The following UNC5CL variants were observed in gnomAD, a reference collection of about 807,000 sequenced individuals.
The protein encoded by UNC5CL is unc-5 family C-terminal like, also known as UNC5C-like protein.
A neutral mutation model predicts 54.1 loss-of-function variants in UNC5CL; 42 were observed. That is an observed-to-expected ratio of 0.78 (90% CI 0.61 to 1.00). The LOEUF is 1.00. UNC5CL is among the 50% of genes least tolerant of loss of function. The probability of loss-of-function intolerance (pLI) is 0.00; values close to 1 mark genes in which losing one functional copy is unlikely to be tolerated. For synonymous variants in UNC5CL, 285 were observed against 285.1 expected (o/e 1.00, Z 0.00); for missense variants, 619 against 675.6 (o/e 0.92, Z 0.93).
chr6:41,035,229 C>T (rs1762510702), intron 1 of UNC5CL, 94 bp from the exon 2 acceptor site: 3 of 889,258 alleles, frequency 3.4e-6, no homozygotes, highest in African/African-American at 1.7e-5. Flanking sequence ...TGTCTTCATT[C>T]CAGCGCACAC....
chr6:41,035,307 G>A (rs144496018), intron 1 of UNC5CL, among the ~76,000 whole-genome samples, 172 bp from the exon 2 acceptor site: 8 of 152,322 alleles, frequency 5.3e-5, no homozygotes, highest in African/African-American at 9.6e-5. Flanking sequence ...CTGGCTCCCC[G>A]TGACCTAATA....
chr6:41,033,205 C>A, intron 3 of UNC5CL, 59 bp from the exon 4 acceptor site: 32 of 1,557,910 alleles, frequency 2.1e-5, no homozygotes, highest in Non-Finnish European at 2.8e-5. Context: ...CACCAACACA[C>A]TGCCACCAGC....
rs755545670 is a variant in UNC5CL, at chr6:41,031,932, G to A, written c.1051+104C>T. ...CCTTTCAGGGAAGGTCTGTGTGCAT[G>A]GCTGCATGGGGGTCTGCAGAGCTCC... On this transcript the variant is annotated intron_variant, in intron 5 of 8. Transcript: ENST00000244565. The A allele has an allele frequency of 3.3e-4, 422 of 1,296,418 alleles. 3 individuals are homozygous for A. The Middle Eastern group carries it at 4.0e-3, about 12-fold the overall frequency. 80.3% of individuals were successfully genotyped at this position (1,296,418 alleles called of 1,614,324 possible).
chr6:41,036,921 G>A lies in UNC5CL; in HGVS notation c.-61-1786C>T, dbSNP rs192754889. Reference sequence around the variant, plus strand: ...CTGAGGCCCTCCAGAACCCACCTCCGCCTCCTCCTACTTCCCCTCTTCCAG... The same window carrying A: ...CTGAGGCCCTCCAGAACCCACCTCCACCTCCTCCTACTTCCCCTCTTCCAG... On this transcript the variant is annotated intron_variant, in intron 1 of 8. Transcript: ENST00000244565. 1.7e-4 allele frequency among the ~76,000 whole-genome samples: 24 copies of A among 143,170 alleles called. No homozygotes were observed. The East Asian group carries it at 4.4e-3, about 26-fold the overall frequency. The allele number at this position is 143,170 out of a possible 152,430, so 93.9% of individuals were successfully genotyped here.
At chr6:41,037,609 C>T (rs996108805) in intron 1 of UNC5CL, among the ~76,000 whole-genome samples, 1 of 152,214 alleles carries the variant, frequency 6.6e-6, no homozygotes, top group Admixed American at 6.5e-5. Flanking sequence ...TGGGGCAGTA[C>T]CTGTTTCTCC....
intron 1 of UNC5CL, among the ~76,000 whole-genome samples, chr6:41,036,918 T>C (rs10947944): frequency 0.22 from 32,424 of 150,500 alleles, 3,582 homozygotes; most frequent in South Asian, 0.27. Flanking sequence ...AGAACCCACC[T>C]CCGCCTCCTC....
At position 41,028,331 on chromosome 6, in the gene UNC5CL, C is replaced by T. The variant is rs1274478760; in HGVS notation, c.*42G>A. 3.3e-6 allele frequency: 5 copies of T among 1,502,800 alleles called. No individual in the cohort carries two copies. The highest frequency in any genetic ancestry group is 3.6e-6 in the Non-Finnish European group (4 of 1,122,524). 93.1% of individuals were successfully genotyped at this position (1,502,800 alleles called of 1,614,324 possible). On this transcript the variant is annotated 3_prime_UTR_variant, in exon 9 of 9. Coordinates refer to ENST00000244565, the MANE Select transcript of UNC5CL (RefSeq NM_173561.3). This position sits in a 1 kb window ranked among gnomAD's most constrained non-coding sequence, Gnocchi z 4.3. ...TCCTCTTAGGCGTAGGAGAACAACC[C>T]CTCTCGCCCCTACACCTCCTCCGGC...
rs753340503 is a variant in UNC5CL at position 41,034,784 on chromosome 6, C to A, written c.291G>T (p.Met97Ile). The change falls in exon 2 of 9, where the codon ATG becomes ATT. Residue 97 changes from methionine to isoleucine, a missense_variant. Coordinates refer to ENST00000244565, the MANE Select transcript of UNC5CL (RefSeq NM_173561.3). ...GAGCCGAAAACACCAACAGTTTGTG[C>A]ATCAACTGGCGGACCATGGTCTGGC... Reference protein sequence around the residue: ...TQGQTMVRQLMHKLLVFSARE... With the variant: ...TQGQTMVRQLIHKLLVFSARE... The A allele has an allele frequency of 3.1e-6, 5 of 1,614,144 alleles. No homozygotes were observed. The highest frequency in any genetic ancestry group is 4.2e-6 in the Non-Finnish European group (5 of 1,180,046).
Position 41,037,486 on chromosome 6 carries a change from G to A in UNC5CL, c.-62+1676C>T, listed in dbSNP as rs145903162. The stretch of plus-strand genomic sequence containing the variant: ...TCACTTGCACTACCCACCTGGAACT[G>A]AGGCTTGGCCCACCTTCTTCCTTCC... On this transcript the variant is annotated intron_variant, in intron 1 of 8. Coordinates refer to ENST00000244565, the MANE Select transcript of UNC5CL (RefSeq NM_173561.3). 6.8e-3 allele frequency among the ~76,000 whole-genome samples: 1,036 copies of A among 152,294 alleles called. 7 individuals carry two copies. The highest frequency in any genetic ancestry group is 0.024 in the Middle Eastern group (7 of 294).
intron 1 of UNC5CL, among the ~76,000 whole-genome samples, chr6:41,037,172 C>T (rs559880246): frequency 1.3e-5 from 2 of 152,218 alleles, no homozygotes; most frequent in South Asian, 4.1e-4. Flanking sequence ...ACAGCCATCC[C>T]ACCATACTGA....
At chr6:41,036,002 C>A (rs1167688388) in intron 1 of UNC5CL, among the ~76,000 whole-genome samples, 2 of 152,052 alleles carry the variant, frequency 1.3e-5, no homozygotes, top group Non-Finnish European at 2.9e-5. Flanking sequence ...ATTCTGAGCT[C>A]ATTAATGTGA....
At chr6:41,032,180 CTTAAACAAGTA>C in intron 4 of UNC5CL, 43 bp from the exon 5 acceptor site, 1 of 1,541,174 alleles carries the variant, frequency 6.5e-7, no homozygotes, top group Middle Eastern at 1.7e-4. Context: ...AGAGTGGGGC[CTTAAACAAGTA>C]TTGAAGGGGG....
Position 41,031,668 on chromosome 6 carries a change from A to C in UNC5CL, c.1119+13T>G. 1 of 1,614,028 alleles carries C rather than the reference A, an allele frequency of 6.2e-7. No individual in the cohort carries two copies. Among genetic ancestry groups the C allele is most frequent in the Non-Finnish European group, 8.5e-7 (1 of 1,179,940 alleles). On this transcript the variant is annotated intron_variant, in intron 6 of 8. Coordinates refer to ENST00000244565, the MANE Select transcript of UNC5CL (RefSeq NM_173561.3). ...AGGCCCTGCCCTTCCTCTGCCCCTCAGCTCCAACTCACATCCTGGAAGGTG... is the reference window on the plus strand; with the variant it reads ...AGGCCCTGCCCTTCCTCTGCCCCTCCGCTCCAACTCACATCCTGGAAGGTG...
rs1279329193 is a variant in UNC5CL, at chr6:41,031,760, A to G, written c.1052-12T>C. ...CTCATTCTCATCGGCTATAAAGAGA[A>G]GGTGACAGCGTGGCCAGTGAGTGAG... is the stretch of plus-strand genomic sequence containing the variant. On this transcript the variant is annotated splice_polypyrimidine_tract_variant and intron_variant, in intron 5 of 8. Transcript: ENST00000244565. 2.2e-5 allele frequency: 35 copies of G among 1,613,448 alleles called. No homozygotes were observed. The highest frequency in any genetic ancestry group is 3.0e-5 in the Non-Finnish European group (35 of 1,179,698).
intron 5 of UNC5CL, 111 bp from the exon 6 acceptor site, chr6:41,031,859 G>A: frequency 1.5e-6 from 2 of 1,300,630 alleles, no homozygotes; most frequent in South Asian, 2.4e-5. Flanking sequence ...AGGAAGCTGG[G>A]GTCCAACACT....
chr6:41,028,372 C>A lies in UNC5CL; in HGVS notation c.*1G>T. On this transcript the variant is annotated 3_prime_UTR_variant, in exon 9 of 9. Coordinates refer to ENST00000244565, the MANE Select transcript of UNC5CL (RefSeq NM_173561.3). The surrounding 1 kb of genome is among the most constrained non-coding windows in gnomAD (Gnocchi z 4.3). ...CTCCTCCGGCCCTGCCCGCTGGGCG[C>A]TCAGAGCTTCTCGTCCAGCTCCAGG... 1 of 1,572,564 alleles carries A rather than the reference C, an allele frequency of 6.4e-7. No homozygotes were observed. The highest frequency in any genetic ancestry group is 8.6e-7 in the Non-Finnish European group (1 of 1,159,966).
At chr6:41,032,524 C>T (rs968418366) in intron 4 of UNC5CL, among the ~76,000 whole-genome samples, 6 of 152,214 alleles carry the variant, frequency 3.9e-5, no homozygotes, top group Non-Finnish European at 5.9e-5. Flanking sequence ...TTTCAGAGGC[C>T]GAGACGGGTA....
rs372606354 is a variant in UNC5CL at position 41,032,117 on chromosome 6, T to C, written c.970A>G (p.Ser324Gly). ...ISEGWENVDD[S>G]SCQLVPHLHI... The stretch of plus-strand genomic sequence containing the variant: ...AGATGGGGAACCAGCTGGCAACTGC[T>C]GTCATCCACATTCTCCCAACCTGGT... The change falls in exon 5 of 9, where the codon AGC becomes GGC. Residue 324 changes from serine to glycine, a missense_variant. Coordinates refer to ENST00000244565, the MANE Select transcript of UNC5CL (RefSeq NM_173561.3). The C allele has an allele frequency of 6.8e-6, 11 of 1,614,194 alleles. No individual in the cohort carries two copies. The highest frequency in any genetic ancestry group is 1.3e-5 in the African/African-American group (1 of 75,044).
Position 41,028,061 on chromosome 6 carries a change from G to A in UNC5CL, c.*312C>T, listed in dbSNP as rs1199758455. ...GTGCTCAGTGAATACTTTAGGGCCTGACCGGCCCTAAAGTGCACGCGGGGA... is the reference window on the plus strand; with the variant it reads ...GTGCTCAGTGAATACTTTAGGGCCTAACCGGCCCTAAAGTGCACGCGGGGA... On this transcript the variant is annotated 3_prime_UTR_variant, in exon 9 of 9. Transcript: ENST00000244565. This position sits in a 1 kb window ranked among gnomAD's most constrained non-coding sequence, Gnocchi z 4.3. The A allele has an allele frequency of 5.2e-6, 2 of 388,118 alleles. No individual in the cohort carries two copies. Among genetic ancestry groups the A allele is most frequent in the East Asian group, 4.8e-5 (1 of 20,678 alleles). 24.0% of individuals were successfully genotyped at this position (388,118 alleles called of 1,614,324 possible). A position where few individuals can be genotyped will look rare whatever the true frequency, so the allele number is the denominator to read the frequency against.
Sources: gnomAD v4.1 joint callset for allele counts (sites outside exome capture counted in the v4.1 genomes callset) on GRCh38, gnomAD v4.1.1 for gene constraint, Gnocchi (gnomAD v3.1) non-coding constraint, MANE v1.5 for transcripts, NCBI Gene and HGNC (gene_info 2026-07-23, HGNC 2026-07-21) for gene names.